Variants in RASSF3 observed in about 807,000 individuals in gnomAD.
RASSF3 encodes the protein Ras association domain family member 3, also known as ras association domain-containing protein 3.
Under a neutral mutation model 19.9 loss-of-function variants are expected in RASSF3, and 19 were observed. The ratio of observed to expected loss-of-function variants is 0.96; its 90% CI spans 0.67 to 1.40. The LOEUF (loss-of-function observed/expected upper bound fraction) is 1.40. RASSF3 is among the 40% of genes most tolerant of loss of function. The pLI is 0.00. For synonymous variants in RASSF3, 110 were observed against 104.2 expected, an observed-to-expected ratio of 1.06 and a Z score of -0.34; for missense variants, 306 against 289.8, an observed-to-expected ratio of 1.06 and a Z score of -0.41.
chr12:64,588,413 G>C (rs1168680310), intron 2 of RASSF3, among the ~76,000 whole-genome samples: 1 of 151,970 alleles, frequency 6.6e-6, no homozygotes, highest in Non-Finnish European at 1.5e-5. Flanking sequence ...TGCTGGGCGT[G>C]GTGGCTCACG....
chr12:64,671,151 C>G (rs979384637), intron 1 of RASSF3, among the ~76,000 whole-genome samples: 1 of 152,142 alleles, frequency 6.6e-6, no homozygotes, highest in Admixed American at 6.5e-5. Flanking sequence ...GTTGGCTAAT[C>G]CTGCCCTGTC....
chr12:64,692,250 G>A (rs1444291420), intron 4 of RASSF3, among the ~76,000 whole-genome samples: 1 of 152,184 alleles, frequency 6.6e-6, no homozygotes, highest in Non-Finnish European at 1.5e-5. Context: ...TCTGGAACAG[G>A]AAATGGTGTG....
At chr12:64,656,257 T>G (rs1872155121) in intron 1 of RASSF3, among the ~76,000 whole-genome samples, 1 of 152,254 alleles carries the variant, frequency 6.6e-6, no homozygotes, top group Middle Eastern at 3.4e-3. Context: ...ATATGAATAT[T>G]TGTCAGCTAG....
intron 2 of RASSF3, among the ~76,000 whole-genome samples, chr12:64,547,585 A>C (rs906921511): frequency 6.6e-6 from 1 of 151,976 alleles, no homozygotes; most frequent in Non-Finnish European, 1.5e-5. Context: ...AGAAAGAAAA[A>C]AGAAGGGAAG....
chr12:64,579,346 CTT>C (rs1265939630), intron 2 of RASSF3, among the ~76,000 whole-genome samples: 5 of 117,036 alleles, frequency 4.3e-5, no homozygotes, highest in Admixed American at 9.9e-5. Flanking sequence ...TAGCCAAGTT[CTT>C]TTTTTTTTTT....
At chr12:64,642,654 AAATTAATACAAAGTTTTGT>A (rs147169364) in intron 1 of RASSF3, among the ~76,000 whole-genome samples, 35,156 of 148,926 alleles carry the variant, frequency 0.24, 4,306 homozygotes, top group South Asian at 0.31. Context: ...TAATTAATAC[AAATTAATACAAAGTTTTGT>A]AATTAATACA....
At chr12:64,547,342 C>A (rs1448449300) in intron 2 of RASSF3, among the ~76,000 whole-genome samples, 1 of 150,170 alleles carries the variant, frequency 6.7e-6, no homozygotes, top group Non-Finnish European at 1.5e-5. Flanking sequence ...CTGAGGCAGG[C>A]GGATCACAAG....
intron 1 of RASSF3, among the ~76,000 whole-genome samples, chr12:64,540,007 G>A (rs1477767829): frequency 6.6e-6 from 1 of 152,004 alleles, no homozygotes; most frequent in Non-Finnish European, 1.5e-5. Context: ...TTTTTATCTC[G>A]ATGGCTTACA....
Position 64,668,680 on chromosome 12 carries a change from A to ATTT in RASSF3, c.112-16090_112-16088dup, listed in dbSNP as rs34052700. Among the ~76,000 whole-genome samples the ATTT allele has an allele frequency of 6.4e-5, 8 of 124,204 alleles. 1 individual carries two copies. The highest frequency in any genetic ancestry group is 6.6e-5 in the Non-Finnish European group (4 of 60,638). 81.5% of individuals were successfully genotyped at this position (124,204 alleles called of 152,430 possible). A position where few individuals can be genotyped will look rare whatever the true frequency, so the allele number is the denominator to read the frequency against. On this transcript the variant is annotated intron_variant, in intron 1 of 4. Coordinates refer to ENST00000542104, the MANE Select transcript of RASSF3 (RefSeq NM_178169.4). ...TTGGATGTTGACTGTTTTAATTTTGATTTTTTTTTTTTTTTTTTTGAAACG... is the reference window on the plus strand; with the variant it reads ...TTGGATGTTGACTGTTTTAATTTTGATTTTTTTTTTTTTTTTTTTTTTGAAACG...
In RASSF3 at chr12:64,551,669, T is replaced by C. The variant is rs183307427; in HGVS notation, c.294+9964T>C. Among the ~76,000 whole-genome samples the C allele has an allele frequency of 1.1e-4, 17 of 152,320 alleles. No homozygotes were observed. In the East Asian group the frequency reaches 3.3e-3, roughly 29 times the overall value. On this transcript the variant is annotated intron_variant, in intron 2 of 5. Coordinates refer to the RASSF3 transcript ENST00000637125. ...GCAATGCATAGAAAAGTACTTAGCC[T>C]GGTGTTTGGTGGGAAACTTCAATTA...
At chr12:64,591,689 A>T (rs2701847) in intron 2 of RASSF3, among the ~76,000 whole-genome samples, 58,764 of 151,888 alleles carry the variant, frequency 0.39, 12,259 homozygotes, top group Non-Finnish European at 0.46. Flanking sequence ...GCCTCTAAAT[A>T]TTCAGTAGGT....
At chr12:64,530,606 T>A (rs1385965892), upstream of RASSF3, among the ~76,000 whole-genome samples, 2 of 152,238 alleles carry the variant, frequency 1.3e-5, no homozygotes, top group African/African-American at 4.8e-5. Flanking sequence ...AATGGCTGTG[T>A]CATATGGTAG....
chr12:64,669,105 CTA>C (rs1457395994), intron 1 of RASSF3, among the ~76,000 whole-genome samples: 1 of 152,194 alleles, frequency 6.6e-6, no homozygotes, highest in East Asian at 1.9e-4. Context: ...GGGCGTTGAA[CTA>C]TGTGTCCTGT....
At chr12:64,623,962 A>C (rs1410378522) in intron 1 of RASSF3, among the ~76,000 whole-genome samples, 3 of 150,884 alleles carry the variant, frequency 2.0e-5, no homozygotes, top group African/African-American at 7.5e-5. Flanking sequence ...TTTCTGTTTT[A>C]GAATTGCTTT....
rs138633162 is a variant in RASSF3 at position 64,694,138 on chromosome 12, A to C, written c.568-625A>C. 5.8e-3 allele frequency among the ~76,000 whole-genome samples: 889 copies of C among 152,308 alleles called. 11 individuals carry two copies. Among genetic ancestry groups the C allele is most frequent in the African/African-American group, 0.021 (858 of 41,554 alleles). ...GAGAGTTTAGAGTCTTTCAGACAGC[A>C]TCAGCAACTAAGGGAAGCCATTGGA... On this transcript the variant is annotated intron_variant, in intron 4 of 4. Transcript: ENST00000542104.
intron 2 of RASSF3, among the ~76,000 whole-genome samples, chr12:64,591,007 G>A (rs889113136): frequency 3.3e-5 from 5 of 152,266 alleles, no homozygotes; most frequent in South Asian, 4.1e-4. Context: ...ATGACACAGC[G>A]AAACCTTATC....
chr12:64,680,653 G>A (rs1025954351), intron 1 of RASSF3, among the ~76,000 whole-genome samples: 7 of 151,546 alleles, frequency 4.6e-5, no homozygotes, highest in South Asian at 2.1e-4. Context: ...TCGCTCTGTC[G>A]CCCAGGCTGG....
chr12:64,647,233 TTTTA>T (rs138759867), intron 1 of RASSF3, among the ~76,000 whole-genome samples: 1 of 151,198 alleles, frequency 6.6e-6, no homozygotes, highest in African/African-American at 2.4e-5. Context: ...TCAGCAAGGG[TTTTA>T]TTTATTTATT....
chr12:64,594,303 C>T (rs957126015), intron 2 of RASSF3, among the ~76,000 whole-genome samples: 2 of 152,074 alleles, frequency 1.3e-5, no homozygotes, highest in East Asian at 1.9e-4. Context: ...CCCTGCACTC[C>T]AGCCTGGGTG....
Sources: allele counts gnomAD v4.1 joint callset (sites outside exome capture counted in the v4.1 genomes callset), GRCh38; gene constraint gnomAD v4.1.1; transcripts MANE v1.5; gene names NCBI Gene and HGNC (gene_info 2026-07-23, HGNC 2026-07-21).